RIMS1: variants seen among roughly 807,000 people sequenced by gnomAD.
RIMS1 encodes regulating synaptic membrane exocytosis protein 1.
In RIMS1, 83 loss-of-function variants were observed where a neutral mutation model predicts 214.1. That is an observed-to-expected ratio of 0.39 (90% CI 0.32 to 0.47). RIMS1 has a LOEUF of 0.47. RIMS1 is among the 20% of genes least tolerant of loss of function. The probability of loss-of-function intolerance (pLI) is 0.99; values close to 1 mark genes in which losing one functional copy is unlikely to be tolerated. For synonymous variants in RIMS1, 793 were observed against 786.8 expected, an observed-to-expected ratio of 1.01 and a Z score of -0.13; for missense variants, 2,050 against 2,161.8, an observed-to-expected ratio of 0.95 and a Z score of 1.03.
At chr6:72,396,952 A>T (rs2098785960) in intron 31 of RIMS1, among the ~76,000 whole-genome samples, 1 of 152,110 alleles carries the variant, frequency 6.6e-6, no homozygotes, top group Admixed American at 6.6e-5. Flanking sequence ...GATGGAGGTT[A>T]CAGTGAGCCA....
chr6:72,184,698 G>C (rs955941621), intron 6 of RIMS1, among the ~76,000 whole-genome samples: 6 of 151,788 alleles, frequency 4.0e-5, no homozygotes, highest in Non-Finnish European at 7.4e-5. Context: ...ATGCCATTAA[G>C]AAAATTATTG....
chr6:72,186,917 G>C (rs2049201549), intron 6 of RIMS1, among the ~76,000 whole-genome samples: 1 of 152,062 alleles, frequency 6.6e-6, no homozygotes, highest in African/African-American at 2.4e-5. Context: ...GATTTTCCGA[G>C]CTCAGGAGTT....
intron 29 of RIMS1, among the ~76,000 whole-genome samples, chr6:72,361,253 A>G (rs1259787514): frequency 6.6e-6 from 1 of 151,204 alleles, no homozygotes; most frequent in Non-Finnish European, 1.5e-5. Context: ...TTACAGGCAC[A>G]TGCCGCCACG....
chr6:72,224,670 T>C (rs2059642079), intron 6 of RIMS1, among the ~76,000 whole-genome samples: 1 of 152,242 alleles, frequency 6.6e-6, no homozygotes. Context: ...TGACCGACAT[T>C]AACGTAGTTT....
At chr6:71,952,213 T>C (rs1789827857) in intron 1 of RIMS1, among the ~76,000 whole-genome samples, 1 of 152,158 alleles carries the variant, frequency 6.6e-6, no homozygotes, top group South Asian at 2.1e-4. Flanking sequence ...CTGCTCCCAC[T>C]TCCCACCATC....
chr6:72,078,234 A>G (rs1427719351), intron 2 of RIMS1, among the ~76,000 whole-genome samples: 1 of 152,232 alleles, frequency 6.6e-6, no homozygotes, highest in Non-Finnish European at 1.5e-5. Flanking sequence ...GGTGAGCAGC[A>G]GGTTGCACAC....
At position 72,402,494 on chromosome 6, in the gene RIMS1, A is replaced by C. The variant is rs566533971; in HGVS notation, c.*1780A>C. 1.3e-5 allele frequency: 2 copies of C among 152,628 alleles called. No homozygotes were observed. Among genetic ancestry groups the C allele is most frequent in the Non-Finnish European group, 2.9e-5 (2 of 68,038 alleles). The allele number at this position is 152,628 out of a possible 1,614,324, so 9.5% of individuals were successfully genotyped here. On this transcript the variant is annotated 3_prime_UTR_variant, in exon 34 of 34. Coordinates refer to ENST00000521978, the MANE Select transcript of RIMS1 (RefSeq NM_014989.7). ...TAACACATGTAGACACTGTGTACAC[A>C]CTAGGTTTTAATTCATAGACATACT...
At chr6:72,376,644 G>A (rs1428827756) in intron 29 of RIMS1, among the ~76,000 whole-genome samples, 2 of 151,756 alleles carry the variant, frequency 1.3e-5, no homozygotes, top group Non-Finnish European at 2.9e-5. Flanking sequence ...CTCCTTGGGA[G>A]ACTAAGGTGG....
intron 4 of RIMS1, among the ~76,000 whole-genome samples, chr6:72,134,391 C>T (rs1250454241): frequency 6.6e-6 from 1 of 151,942 alleles, no homozygotes; most frequent in Non-Finnish European, 1.5e-5. Context: ...ATTCTTACAA[C>T]ATTAGCTTGT....
chr6:72,329,512 T>G (rs1294210535), intron 28 of RIMS1, among the ~76,000 whole-genome samples: 1 of 151,742 alleles, frequency 6.6e-6, no homozygotes, highest in Non-Finnish European at 1.5e-5. Flanking sequence ...TAGAGCCAGA[T>G]AGTAATCATA....
intron 6 of RIMS1, among the ~76,000 whole-genome samples, chr6:72,227,340 T>C (rs574355907): frequency 1.3e-5 from 2 of 152,092 alleles, no homozygotes; most frequent in South Asian, 4.1e-4. Flanking sequence ...ACTCTGACAA[T>C]GTGGATTTCT....
chr6:72,252,355 C>A (rs1255322030), intron 15 of RIMS1, among the ~76,000 whole-genome samples: 1 of 152,074 alleles, frequency 6.6e-6, no homozygotes, highest in Non-Finnish European at 1.5e-5. Context: ...TTAATATAGG[C>A]TGAATAGAGC....
chr6:72,136,442 G>A (rs2041293429), intron 4 of RIMS1, among the ~76,000 whole-genome samples: 2 of 151,852 alleles, frequency 1.3e-5, no homozygotes, highest in Admixed American at 6.6e-5. Context: ...TACTTACAAA[G>A]AAAGGAGAAA....
intron 2 of RIMS1, among the ~76,000 whole-genome samples, chr6:72,037,600 A>G (rs1820021383): frequency 6.6e-6 from 1 of 152,134 alleles, no homozygotes; most frequent in Non-Finnish European, 1.5e-5. Flanking sequence ...GAGTTTGGAC[A>G]TATGTGTAGA....
chr6:72,384,717 G>A (rs1227571598), intron 29 of RIMS1, among the ~76,000 whole-genome samples: 1 of 152,090 alleles, frequency 6.6e-6, no homozygotes, highest in African/African-American at 2.4e-5. Context: ...GTATCTGCAT[G>A]TCAATATATT....
At chr6:71,964,291 C>T (rs1480847314) in intron 1 of RIMS1, among the ~76,000 whole-genome samples, 1 of 152,132 alleles carries the variant, frequency 6.6e-6, no homozygotes. Context: ...TGATGCTATC[C>T]TAAGGACTCT....
chr6:71,994,758 T>C (rs1182713942), intron 2 of RIMS1, among the ~76,000 whole-genome samples: 1 of 152,216 alleles, frequency 6.6e-6, no homozygotes, highest in Non-Finnish European at 1.5e-5. Flanking sequence ...AAGATTGTAT[T>C]TTATACATAT....
intron 4 of RIMS1, among the ~76,000 whole-genome samples, chr6:72,106,959 A>C (rs1224251398): frequency 6.6e-6 from 1 of 152,074 alleles, no homozygotes; most frequent in Admixed American, 6.6e-5. Flanking sequence ...TCTCTTATAT[A>C]CTTTCATACC....
chr6:72,206,346 G>A (rs2052908329), intron 6 of RIMS1, among the ~76,000 whole-genome samples: 1 of 152,044 alleles, frequency 6.6e-6, no homozygotes, highest in South Asian at 2.1e-4. Flanking sequence ...GAAGACTTTA[G>A]CATGCTTTCA....
Sources: gnomAD v4.1 joint callset for allele counts (sites outside exome capture counted in the v4.1 genomes callset) on GRCh38, gnomAD v4.1.1 for gene constraint, MANE v1.5 for transcripts, NCBI Gene and HGNC (gene_info 2026-07-23, HGNC 2026-07-21) for gene names.